The following DENND2A variants were observed in gnomAD, a reference collection of about 807,000 sequenced individuals.
DENND2A encodes DENN domain containing 2A, also known as DENN domain-containing protein 2A.
Under a neutral mutation model 105.3 loss-of-function variants are expected in DENND2A, and 53 were observed. The ratio of observed to expected loss-of-function variants is 0.50; its 90% confidence interval spans 0.40 to 0.63. The LOEUF (loss-of-function observed/expected upper bound fraction) is 0.63. DENND2A is among the 30% of genes least tolerant of loss of function. DENND2A has a pLI of 0.00. For synonymous variants in DENND2A, 522 were observed against 508.4 expected (o/e 1.03, Z -0.36); for missense variants, 1,138 against 1,279.6 (o/e 0.89, Z 1.69).
intron 4 of DENND2A, 110 bp downstream of exon 4, chr7:140,587,539 AGTGT>A: frequency 6.6e-6 from 9 of 1,354,722 alleles, no homozygotes; most frequent in African/African-American, 2.9e-5. Context: ...GGTGTCTTCA[AGTGT>A]GTGTGTGTGT....
intron 1 of DENND2A, among the ~76,000 whole-genome samples, chr7:140,630,135 G>A (rs1800682501): frequency 6.6e-6 from 1 of 151,552 alleles, no homozygotes; most frequent in Non-Finnish European, 1.5e-5. Flanking sequence ...TTTTAAGACA[G>A]GGTCTCACTC....
intron 1 of DENND2A, among the ~76,000 whole-genome samples, chr7:140,639,951 T>A (rs1801123533): frequency 6.6e-6 from 1 of 152,200 alleles, no homozygotes; most frequent in Admixed American, 6.5e-5. Context: ...CTCCATCTGC[T>A]CCCAACTCCA....
At chr7:140,526,820 TC>T (rs1796071287) in intron 15 of DENND2A, among the ~76,000 whole-genome samples, 1 of 152,058 alleles carries the variant, frequency 6.6e-6, no homozygotes. Context: ...AAGTCCCCAG[TC>T]CTCCGGGTCA....
intron 1 of DENND2A, among the ~76,000 whole-genome samples, chr7:140,621,105 T>C (rs1351701001): frequency 6.6e-6 from 1 of 152,196 alleles, no homozygotes; most frequent in Non-Finnish European, 1.5e-5. Context: ...CATGGCTCAC[T>C]GCAGCCTCAA....
chr7:140,576,043 T>TATATATAA (rs886428682), intron 5 of DENND2A, among the ~76,000 whole-genome samples: 6 of 151,422 alleles, frequency 4.0e-5, no homozygotes, highest in African/African-American at 1.5e-4. Context: ...TATATATATA[T>TATATATAA]AATTATTTTT....
intron 4 of DENND2A, among the ~76,000 whole-genome samples, chr7:140,587,182 C>T (rs562311606): frequency 7.9e-5 from 12 of 152,178 alleles, no homozygotes; most frequent in Admixed American, 2.6e-4. Flanking sequence ...GTAATCCCTG[C>T]AGTTGACTGA....
Position 140,544,645 on chromosome 7 carries a change from C to T in DENND2A, c.2300G>A (p.Arg767Lys). Residue 767 changes from arginine to lysine, a missense_variant, in exon 14 of 20, where the codon AGG becomes AAG. Physicochemically the swap from Arg to Lys is conservative, Grantham distance 26. Coordinates refer to ENST00000496613, the MANE Select transcript of DENND2A (RefSeq NM_015689.5). ...CVFASLLLER[R>K]VIFIADKLSI... ...GAGCTTGTCTGCAATGAAGATGACC[C>T]TCCTCTCCAGAAGCAGGGAGGCAAA... 1 of 1,614,134 alleles carries T rather than the reference C, an allele frequency of 6.2e-7. No homozygotes were observed. The highest frequency in any genetic ancestry group is 1.7e-5 in the Admixed American group (1 of 60,012).
intron 14 of DENND2A, among the ~76,000 whole-genome samples, chr7:140,533,447 C>T (rs1263624675): frequency 2.0e-5 from 3 of 152,164 alleles, no homozygotes; most frequent in African/African-American, 7.2e-5. Flanking sequence ...GACAGAGAGG[C>T]CCCCAGGGCC....
chr7:140,590,699 T>C (rs1392678005), intron 3 of DENND2A, among the ~76,000 whole-genome samples: 2 of 151,926 alleles, frequency 1.3e-5, no homozygotes, highest in Admixed American at 6.6e-5. Flanking sequence ...ATCCCATCTC[T>C]ACAAAAACTA....
chr7:140,623,211 A>G (rs963885422), intron 1 of DENND2A, among the ~76,000 whole-genome samples: 2 of 150,248 alleles, frequency 1.3e-5, no homozygotes, highest in African/African-American at 4.9e-5. Context: ...GCTACTTGGG[A>G]GACTGATGCA....
chr7:140,590,112 G>A lies in DENND2A; in HGVS notation c.996-2332C>T, dbSNP rs1158840559. Among the ~76,000 whole-genome samples the A allele has an allele frequency of 5.3e-5, 8 of 152,284 alleles. No homozygotes were observed. In the South Asian group the frequency reaches 6.2e-4, roughly 12 times the overall value. ...ATTTAAAGCACATGTAATGCAGGCCGGGCGCGGTGGCTCATGTCTGTAATT... is the reference window on the plus strand; with the variant it reads ...ATTTAAAGCACATGTAATGCAGGCCAGGCGCGGTGGCTCATGTCTGTAATT... On this transcript the variant is annotated intron_variant, in intron 3 of 19. Coordinates refer to ENST00000496613, the MANE Select transcript of DENND2A (RefSeq NM_015689.5).
intron 14 of DENND2A, among the ~76,000 whole-genome samples, chr7:140,542,272 G>C (rs66736733): frequency 0.1 from 15,483 of 152,242 alleles, 1,095 homozygotes; most frequent in Non-Finnish European, 0.16. Context: ...GTCCTTGTCT[G>C]CATTTCCTTC....
chr7:140,619,020 G>C (rs1024353287), intron 1 of DENND2A, among the ~76,000 whole-genome samples: 1 of 152,028 alleles, frequency 6.6e-6, no homozygotes, highest in Non-Finnish European at 1.5e-5. Context: ...GGATGGTCTC[G>C]ATCTCCTGAC....
chr7:140,616,462 A>G (rs1800090175), intron 1 of DENND2A, among the ~76,000 whole-genome samples: 1 of 152,136 alleles, frequency 6.6e-6, no homozygotes, highest in African/African-American at 2.4e-5. Context: ...GACTGCTAAT[A>G]GGTATGGATT....
intron 9 of DENND2A, among the ~76,000 whole-genome samples, chr7:140,561,968 C>A (rs1797636152): frequency 6.6e-6 from 1 of 151,790 alleles, no homozygotes. Context: ...CGGCTCACTG[C>A]AACCTCCACC....
chr7:140,609,072 C>A (rs1281028100), intron 1 of DENND2A, among the ~76,000 whole-genome samples: 1 of 152,154 alleles, frequency 6.6e-6, no homozygotes, highest in East Asian at 1.9e-4. Flanking sequence ...TTCCTTATTT[C>A]TTTTTAGACA....
intron 6 of DENND2A, among the ~76,000 whole-genome samples, chr7:140,571,252 G>A (rs667863): frequency 0.49 from 74,710 of 151,872 alleles, 19,905 homozygotes; most frequent in African/African-American, 0.7. Context: ...TCCGACTCCC[G>A]GTTTCAAGTG....
intron 12 of DENND2A, among the ~76,000 whole-genome samples, chr7:140,553,185 A>G (rs1373577576): frequency 6.6e-6 from 1 of 152,076 alleles, no homozygotes; most frequent in Non-Finnish European, 1.5e-5. Context: ...TTTCTCCGAG[A>G]GGGGGATGTG....
chr7:140,635,813 A>G (rs1282240839), intron 1 of DENND2A, among the ~76,000 whole-genome samples: 1 of 152,220 alleles, frequency 6.6e-6, no homozygotes, highest in Admixed American at 6.5e-5. Context: ...TTCTAGGCCC[A>G]GCTGGCAAAG....
Sources: gnomAD v4.1 joint callset for allele counts (sites outside exome capture counted in the v4.1 genomes callset) on GRCh38, gnomAD v4.1.1 for gene constraint, MANE v1.5 for transcripts, NCBI Gene and HGNC (gene_info 2026-07-23, HGNC 2026-07-21) for gene names.